The following BMP2K variants were observed in gnomAD, a reference collection of about 807,000 sequenced individuals.
The protein encoded by BMP2K is BMP-2-inducible protein kinase.
In BMP2K, 74 loss-of-function variants were observed where a neutral mutation model predicts 116.0. The ratio of observed to expected loss-of-function variants is 0.64; its 90% confidence interval spans 0.53 to 0.77. BMP2K has a LOEUF of 0.77. Ranked by LOEUF, BMP2K falls within the 30% of genes least tolerant of loss-of-function variation. The pLI is 0.00. For missense variants in BMP2K, 1,365 were observed against 1,403.6 expected (o/e 0.97, Z 0.44); for synonymous variants, 486 against 502.5 (o/e 0.97, Z 0.44).
At chr4:78,781,218 C>G (rs1727489109) in intron 1 of BMP2K, among the ~76,000 whole-genome samples, 1 of 152,144 alleles carries the variant, frequency 6.6e-6, no homozygotes, top group South Asian at 2.1e-4. Context: ...GGGGCAGTGA[C>G]ATGCTCTGAT....
At chr4:78,836,840 T>C (rs1730507261) in intron 3 of BMP2K, among the ~76,000 whole-genome samples, 1 of 152,238 alleles carries the variant, frequency 6.6e-6, no homozygotes, top group South Asian at 2.1e-4. Flanking sequence ...TGTTGACAAA[T>C]TGATGTTATT....
intron 1 of BMP2K, among the ~76,000 whole-genome samples, chr4:78,803,129 C>T (rs768018644): frequency 1.3e-5 from 2 of 151,910 alleles, no homozygotes; most frequent in African/African-American, 2.4e-5. Context: ...GGATTGCAGG[C>T]GTGAGCCACC....
intron 1 of BMP2K, among the ~76,000 whole-genome samples, chr4:78,804,579 A>T (rs1449221343): frequency 6.6e-6 from 1 of 152,044 alleles, no homozygotes; most frequent in Non-Finnish European, 1.5e-5. Context: ...CAATTTCTTC[A>T]TATCCTTGCC....
At chr4:78,813,228 G>A (rs555151499) in intron 1 of BMP2K, among the ~76,000 whole-genome samples, 44 of 152,256 alleles carry the variant, frequency 2.9e-4, no homozygotes, top group African/African-American at 1.0e-3. Flanking sequence ...TATCAGGTCT[G>A]CCTTCAAAAT....
At chr4:78,855,216 A>G (rs1256098774) in intron 7 of BMP2K, among the ~76,000 whole-genome samples, 3 of 152,178 alleles carry the variant, frequency 2.0e-5, no homozygotes, top group Non-Finnish European at 2.9e-5. Context: ...GTAAGTTTCT[A>G]TAACAATGTC....
chr4:78,859,571 T>G lies in BMP2K; in HGVS notation c.884-13T>G. The stretch of plus-strand genomic sequence containing the variant: ...TTCATAAAACTTCTTAACATTTTGA[T>G]CTATTCTTGCAGGGTTCATGCTTGA... On this transcript the variant is annotated splice_polypyrimidine_tract_variant and intron_variant, in intron 7 of 15. Coordinates refer to ENST00000502613, the MANE Select transcript of BMP2K (RefSeq NM_198892.2). 6.4e-7 allele frequency: 1 copy of G among 1,561,652 alleles called. No homozygotes were observed. Among genetic ancestry groups the G allele is most frequent in the East Asian group, 2.3e-5 (1 of 44,210 alleles).
rs766517457 is a variant in BMP2K, at chr4:78,847,246, A to G, written c.727A>G (p.Ile243Val). 6.3e-7 allele frequency: 1 copy of G among 1,595,786 alleles called. No homozygotes were observed. Among genetic ancestry groups the G allele is most frequent in the East Asian group, 2.3e-5 (1 of 44,102 alleles). Residue 243 changes from isoleucine to valine, a missense_variant, in exon 6 of 16, where the codon ATC (isoleucine) becomes GTC (valine). Physicochemically the swap from Ile to Val is conservative, Grantham distance 29. Transcript: ENST00000502613. ...EMINLYGGKP[I>V]TTKADIWALG... ...GATCAACCTTTATGGAGGGAAACCC[A>G]TCACCACCAAGGCTGATATCTGGGT...
At chr4:78,838,954 A>G (rs564519864) in intron 3 of BMP2K, among the ~76,000 whole-genome samples, 1 of 152,314 alleles carries the variant, frequency 6.6e-6, no homozygotes, top group East Asian at 1.9e-4. Flanking sequence ...GAGCACATTT[A>G]TATTATTGTA....
At chr4:78,901,881 T>G (rs1384993380) in intron 15 of BMP2K, among the ~76,000 whole-genome samples, 1 of 152,212 alleles carries the variant, frequency 6.6e-6, no homozygotes, top group Non-Finnish European at 1.5e-5. Flanking sequence ...TTAATTAGGC[T>G]TGGTGAACTT....
intron 15 of BMP2K, among the ~76,000 whole-genome samples, chr4:78,889,220 C>CAAAAA (rs71661191): frequency 5.6e-5 from 3 of 53,706 alleles, no homozygotes; most frequent in Non-Finnish European, 8.0e-5. Flanking sequence ...GACTCTGTCT[C>CAAAAA]AAAAAAAAAA....
At chr4:78,856,891 A>G (rs1411984426) in intron 7 of BMP2K, among the ~76,000 whole-genome samples, 1 of 152,120 alleles carries the variant, frequency 6.6e-6, no homozygotes, top group Non-Finnish European at 1.5e-5. Flanking sequence ...CTGTTCTGAA[A>G]GAAAGATCAT....
intron 5 of BMP2K, among the ~76,000 whole-genome samples, 159 bp from the exon 6 acceptor site, chr4:78,847,029 C>T (rs972569780): frequency 4.6e-5 from 7 of 151,206 alleles, no homozygotes; most frequent in Non-Finnish European, 7.4e-5. Flanking sequence ...TAATCCTTGA[C>T]GGGTTTTTAA....
intron 8 of BMP2K, among the ~76,000 whole-genome samples, chr4:78,860,292 A>G (rs1305132331): frequency 6.6e-6 from 1 of 151,864 alleles, no homozygotes; most frequent in Admixed American, 6.6e-5. Flanking sequence ...TATGCAGTAT[A>G]TCCTTATAAC....
At chr4:78,896,806 T>C (rs1300836864) in intron 15 of BMP2K, among the ~76,000 whole-genome samples, 1 of 152,204 alleles carries the variant, frequency 6.6e-6, no homozygotes, top group East Asian at 1.9e-4. Flanking sequence ...TTTAAATAAT[T>C]CTTTATTGAA....
chr4:78,874,022 A>G (rs1019847440), intron 13 of BMP2K, among the ~76,000 whole-genome samples: 4 of 152,102 alleles, frequency 2.6e-5, no homozygotes, highest in Admixed American at 2.6e-4. Flanking sequence ...TACTAAAAAT[A>G]TAAAAATTAT....
rs568830305 is a variant in BMP2K, at chr4:78,857,212, ATAG to A, written c.884-2367_884-2365del. Among the ~76,000 whole-genome samples, 22 of 152,268 alleles carry A rather than the reference ATAG, an allele frequency of 1.4e-4. No individual in the cohort carries two copies. In the East Asian group the frequency reaches 4.2e-3, roughly 29 times the overall value. On this transcript the variant is annotated intron_variant, in intron 7 of 15. Coordinates refer to ENST00000502613, the MANE Select transcript of BMP2K (RefSeq NM_198892.2). ...TTTCTGTTCTTCTTTATTAAAATAA[ATAG>A]TAGTTCTGACCTTTTGAGTTGATTT...
chr4:78,866,940 A>G (rs1732080750), intron 10 of BMP2K, among the ~76,000 whole-genome samples: 1 of 152,278 alleles, frequency 6.6e-6, no homozygotes. Context: ...AGCTGGGTGC[A>G]GTGGCTCATG....
intron 14 of BMP2K, among the ~76,000 whole-genome samples, chr4:78,880,852 A>G (rs924365074): frequency 6.6e-6 from 1 of 152,236 alleles, no homozygotes. Context: ...CAGACTTTGC[A>G]GTATTAATTA....
chr4:78,912,984 TA>T lies in BMP2K; in HGVS notation c.*956del. The T allele has an allele frequency of 6.6e-6, 1 of 152,306 alleles. No homozygotes were observed. Among genetic ancestry groups the T allele is most frequent in the African/African-American group, 2.4e-5 (1 of 41,580 alleles). 9.4% of individuals were successfully genotyped at this position (152,306 alleles called of 1,614,324 possible). ...GAAAAATTGGAGGACAAGGGTTGTA[TA>T]AAAATTTTATTTTATGAAGAAAATA... On this transcript the variant is annotated 3_prime_UTR_variant, in exon 16 of 16. Coordinates refer to ENST00000502613, the MANE Select transcript of BMP2K (RefSeq NM_198892.2).
Sources: gnomAD v4.1 joint callset for allele counts (sites outside exome capture counted in the v4.1 genomes callset) on GRCh38, gnomAD v4.1.1 for gene constraint, MANE v1.5 for transcripts, NCBI Gene and HGNC (gene_info 2026-07-23, HGNC 2026-07-21) for gene names.